The following PGGT1B variants were observed in gnomAD, a reference collection of about 807,000 sequenced individuals.
PGGT1B encodes geranylgeranyl transferase type-1 subunit beta.
Under a neutral mutation model 46.1 loss-of-function variants are expected in PGGT1B, and 30 were observed. The ratio of observed to expected loss-of-function variants is 0.65; its 90% CI spans 0.49 to 0.88. The LOEUF (loss-of-function observed/expected upper bound fraction) is 0.88, where lower values mean the gene tolerates loss of function less well. Among genes scored for constraint, PGGT1B ranks in the 40% least tolerant of loss-of-function variants. The pLI, the probability that PGGT1B is intolerant of heterozygous loss-of-function variation, is 0.00. For missense variants in PGGT1B, 376 were observed against 455.9 expected (o/e 0.82, Z 1.60); for synonymous variants, 170 against 160.0 (o/e 1.06, Z -0.47).
At chr5:115,260,882 T>C (rs533325448) in intron 1 of PGGT1B, among the ~76,000 whole-genome samples, 1 of 152,346 alleles carries the variant, frequency 6.6e-6, no homozygotes, top group Non-Finnish European at 1.5e-5. Context: ...ATGTGCATTA[T>C]TCTATATGGA....
chr5:115,229,264 C>A (rs563091706), intron 6 of PGGT1B, among the ~76,000 whole-genome samples: 3 of 152,212 alleles, frequency 2.0e-5, no homozygotes, highest in Admixed American at 6.5e-5. Flanking sequence ...ACTCCAGATA[C>A]CCAGGTCCTG....
chr5:115,204,665 G>C lies in PGGT1B; in HGVS notation c.*7737C>G, dbSNP rs1029439871. On this transcript the variant is annotated 3_prime_UTR_variant, in exon 9 of 9. Coordinates refer to ENST00000419445, the MANE Select transcript of PGGT1B (RefSeq NM_005023.4). ...TGTTGAGTTTATGAATGGCTACACT[G>C]TTTCTGGATGGCAATTCTTGGCAGT... The C allele has an allele frequency of 6.6e-6, 1 of 152,076 alleles. No homozygotes were observed. Among genetic ancestry groups the C allele is most frequent in the South Asian group, 2.1e-4 (1 of 4,824 alleles). 9.4% of individuals were successfully genotyped at this position (152,076 alleles called of 1,614,324 possible).
chr5:115,222,887 A>T (rs974048833), intron 6 of PGGT1B, among the ~76,000 whole-genome samples: 1 of 152,178 alleles, frequency 6.6e-6, no homozygotes, highest in Non-Finnish European at 1.5e-5. Flanking sequence ...CAAACACCGC[A>T]TGTTCTCACT....
At chr5:115,238,365 G>C (rs1278982744) in intron 3 of PGGT1B, among the ~76,000 whole-genome samples, 1 of 126,892 alleles carries the variant, frequency 7.9e-6, no homozygotes, top group Non-Finnish European at 1.6e-5. Flanking sequence ...CTGTAGTGGT[G>C]CAATCATAGC....
chr5:115,239,833 G>C (rs1349024741), intron 3 of PGGT1B, among the ~76,000 whole-genome samples: 1 of 152,190 alleles, frequency 6.6e-6, no homozygotes, highest in Non-Finnish European at 1.5e-5. Context: ...ATTTGTGAAA[G>C]GAAATTGTGA....
At position 115,251,814 on chromosome 5, in the gene PGGT1B, G is replaced by A. The variant is rs370947113; in HGVS notation, c.259+1323C>T. On this transcript the variant is annotated intron_variant, in intron 2 of 8. Coordinates refer to ENST00000419445, the MANE Select transcript of PGGT1B (RefSeq NM_005023.4). The stretch of plus-strand genomic sequence containing the variant: ...TGTAAGATACATTTCTTTAAAAACC[G>A]GGCATGTACTTATAATTAAAAAAAA... 3.4e-4 allele frequency among the ~76,000 whole-genome samples: 51 copies of A among 151,434 alleles called. No homozygotes were observed. In the South Asian group the frequency reaches 0.01, roughly 30 times the overall value.
chr5:115,234,207 G>A (rs1580760542), intron 5 of PGGT1B, among the ~76,000 whole-genome samples: 3 of 70,596 alleles, frequency 4.2e-5, no homozygotes, highest in Non-Finnish European at 4.9e-5. Flanking sequence ...AGTGAAAAAA[G>A]CAAACAGCAA....
At chr5:115,225,649 A>ATTTTT (rs60269384) in intron 6 of PGGT1B, among the ~76,000 whole-genome samples, 1 of 144,436 alleles carries the variant, frequency 6.9e-6, no homozygotes, top group Non-Finnish European at 1.5e-5. Flanking sequence ...GGTAAAGTAA[A>ATTTTT]TTTTTTTTTT....
intron 6 of PGGT1B, among the ~76,000 whole-genome samples, chr5:115,225,636 A>G (rs568622812): frequency 7.4e-4 from 112 of 151,518 alleles, no homozygotes; most frequent in African/African-American, 2.7e-3. Context: ...ACCATATTAA[A>G]AAGGTAAAGT....
At chr5:115,241,710 C>G (rs2127016431) in intron 2 of PGGT1B, 104 bp from the exon 3 acceptor site, 2 of 733,732 alleles carry the variant, frequency 2.7e-6, no homozygotes, top group Admixed American at 3.1e-5. Context: ...ATTTTAGTCT[C>G]CATTTTCATA....
chr5:115,236,564 A>G lies in PGGT1B; in HGVS notation c.480-42T>C, dbSNP rs748179800. Reference sequence around the variant, plus strand: ...CAATATGATTTTCTATTAACACTGGACTCTGATTTTTTTGCATGGGGGTTA... The same window carrying G: ...CAATATGATTTTCTATTAACACTGGGCTCTGATTTTTTTGCATGGGGGTTA... On this transcript the variant is annotated intron_variant, in intron 4 of 8. Transcript: ENST00000419445. 4 of 1,417,686 alleles carry G rather than the reference A, an allele frequency of 2.8e-6. No homozygotes were observed. In the East Asian group the frequency reaches 1.1e-4, roughly 39 times the overall value. 87.8% of individuals were successfully genotyped at this position (1,417,686 alleles called of 1,614,324 possible).
intron 2 of PGGT1B, among the ~76,000 whole-genome samples, chr5:115,243,329 A>G (rs1757407035): frequency 6.6e-6 from 1 of 152,244 alleles, no homozygotes; most frequent in Admixed American, 6.5e-5. Context: ...GGTTAAGCAT[A>G]TCATGCCTCA....
At chr5:115,255,479 T>C (rs932854838) in intron 1 of PGGT1B, among the ~76,000 whole-genome samples, 2 of 152,178 alleles carry the variant, frequency 1.3e-5, no homozygotes, top group Non-Finnish European at 2.9e-5. Flanking sequence ...AACAGGGTTT[T>C]TTGGTTTTGA....
chr5:115,253,087 G>A, intron 2 of PGGT1B, 50 bp downstream of exon 2: 1 of 1,535,286 alleles, frequency 6.5e-7, no homozygotes. Context: ...CACATGTTAT[G>A]TCAGGTACAA....
In PGGT1B at chr5:115,211,234, T is replaced by C. The variant is rs1193787842; in HGVS notation, c.*1168A>G. 2 of 152,204 alleles carry C rather than the reference T, an allele frequency of 1.3e-5. No homozygotes were observed. Among genetic ancestry groups the C allele is most frequent in the Middle Eastern group, 3.4e-3 (1 of 292 alleles). The allele number at this position is 152,204 out of a possible 1,614,324, so 9.4% of individuals were successfully genotyped here. On this transcript the variant is annotated 3_prime_UTR_variant, in exon 9 of 9. Coordinates refer to ENST00000419445, the MANE Select transcript of PGGT1B (RefSeq NM_005023.4). Reference sequence around the variant, plus strand: ...CGGATATGAGTTATTGATAAATTAATTACTAATGAAGAGTTTTTATACTAC... The same window carrying C: ...CGGATATGAGTTATTGATAAATTAACTACTAATGAAGAGTTTTTATACTAC...
At position 115,216,820 on chromosome 5, in the gene PGGT1B, A is replaced by C. The variant is rs377402207; in HGVS notation, c.952+45T>G. On this transcript the variant is annotated intron_variant, in intron 8 of 8. Transcript: ENST00000419445. ...TTCTGATAAAGATGCTTGAAGATCT[A>C]TTCAGGAAATAAAGGTTGTTCTGAT... The C allele has an allele frequency of 3.2e-6, 3 of 924,214 alleles. No homozygotes were observed. In the African/African-American group the frequency reaches 4.9e-5, roughly 15 times the overall value. The allele number at this position is 924,214 out of a possible 1,614,324, so 57.3% of individuals were successfully genotyped here.
intron 6 of PGGT1B, 60 bp from the exon 7 acceptor site, chr5:115,222,068 C>T (rs1431715286): frequency 2.0e-6 from 2 of 984,256 alleles, no homozygotes; most frequent in Non-Finnish European, 2.9e-6. Flanking sequence ...GAAAATAGTA[C>T]AAAATGTTCA....
chr5:115,228,307 G>A (rs1580754691), intron 6 of PGGT1B, among the ~76,000 whole-genome samples: 1 of 152,200 alleles, frequency 6.6e-6, no homozygotes, highest in African/African-American at 2.4e-5. Flanking sequence ...CATGTTACAG[G>A]TGTAGAGGAT....
At chr5:115,239,269 C>T (rs7711888) in intron 3 of PGGT1B, among the ~76,000 whole-genome samples, 2,039 of 152,216 alleles carry the variant, frequency 0.013, 46 homozygotes, top group African/African-American at 0.046. Context: ...GTCTCAAACT[C>T]CTGAGATCAA....
Sources: gnomAD v4.1 joint callset for allele counts (sites outside exome capture counted in the v4.1 genomes callset) on GRCh38, gnomAD v4.1.1 for gene constraint, MANE v1.5 for transcripts, NCBI Gene and HGNC (gene_info 2026-07-23, HGNC 2026-07-21) for gene names.